The following NKAIN3 variants were observed in gnomAD, a reference collection of about 807,000 sequenced individuals.
The protein encoded by NKAIN3 is sodium/potassium transporting ATPase interacting 3.
NKAIN3 carries 25 observed loss-of-function variants against 30.2 expected under a neutral mutation model. The ratio of observed to expected loss-of-function variants is 0.83; its 90% CI spans 0.60 to 1.16. The LOEUF (loss-of-function observed/expected upper bound fraction) is 1.16. Ranked by LOEUF, NKAIN3 falls within the 50% of genes most tolerant of loss-of-function variation. The pLI is 0.00. For missense variants in NKAIN3, 225 were observed against 254.1 expected (o/e 0.89, Z 0.78); for synonymous variants, 91 against 89.6 (o/e 1.02, Z -0.09).
intron 1 of NKAIN3, among the ~76,000 whole-genome samples, chr8:62,467,955 T>C (rs1806214472): frequency 6.6e-6 from 1 of 152,128 alleles, no homozygotes. Flanking sequence ...CATTTTTTGT[T>C]AGAGAGGGGG....
intron 1 of NKAIN3, among the ~76,000 whole-genome samples, chr8:62,394,479 A>AT (rs58656350): frequency 1.2e-3 from 180 of 149,836 alleles, no homozygotes; most frequent in African/African-American, 3.3e-3. Context: ...TGTAATTGCT[A>AT]TTTTTTTTTT....
At chr8:62,609,582 TG>T (rs2130179742) in intron 3 of NKAIN3, among the ~76,000 whole-genome samples, 1 of 152,218 alleles carries the variant, frequency 6.6e-6, no homozygotes, top group South Asian at 2.1e-4. Context: ...GCTTTTATTC[TG>T]GGGAAAGAGA....
chr8:62,920,243 C>T (rs1822237562), intron 5 of NKAIN3, among the ~76,000 whole-genome samples: 1 of 152,084 alleles, frequency 6.6e-6, no homozygotes, highest in Non-Finnish European at 1.5e-5. Context: ...AAGTAGATAC[C>T]TACTTTTGAG....
At position 62,979,847 on chromosome 8, in the gene NKAIN3, T is replaced by C. The variant is rs546696789; in HGVS notation, c.*14440T>C. The C allele has an allele frequency of 3.9e-5, 6 of 152,406 alleles. No homozygotes were observed. The East Asian group carries it at 1.2e-3, about 29-fold the overall frequency. 9.4% of individuals were successfully genotyped at this position (152,406 alleles called of 1,614,324 possible). ...TTTTTGCCTGCGTTTGTTTGGACCC[T>C]GCTAATCAAGGCTACAGGGCAGCTG... On this transcript the variant is annotated 3_prime_UTR_variant, in exon 7 of 7. Transcript: ENST00000623646.
intron 3 of NKAIN3, among the ~76,000 whole-genome samples, chr8:62,630,266 A>G (rs1287492092): frequency 6.6e-6 from 1 of 152,142 alleles, no homozygotes; most frequent in Admixed American, 6.6e-5. Flanking sequence ...TGTACATTAG[A>G]AAATTGTTTG....
At chr8:62,941,319 G>A (rs928849908) in intron 5 of NKAIN3, among the ~76,000 whole-genome samples, 1 of 152,014 alleles carries the variant, frequency 6.6e-6, no homozygotes, top group Admixed American at 6.5e-5. Context: ...AATTCTATCA[G>A]ACATTCAAAG....
At chr8:62,878,667 C>A (rs1820876460) in intron 4 of NKAIN3, among the ~76,000 whole-genome samples, 1 of 110,118 alleles carries the variant, frequency 9.1e-6, no homozygotes. Context: ...TTCCCCTCCC[C>A]CCACCCCACA....
chr8:62,543,960 T>G (rs1808927341), intron 1 of NKAIN3, among the ~76,000 whole-genome samples: 1 of 151,846 alleles, frequency 6.6e-6, no homozygotes, highest in Non-Finnish European at 1.5e-5. Context: ...TTATCTAGAG[T>G]CCCATTAATC....
rs1823801703 is a variant in NKAIN3 at position 62,970,142 on chromosome 8, A to C, written c.*4735A>C. Among the ~76,000 whole-genome samples, 1 of 152,138 alleles carries C rather than the reference A, an allele frequency of 6.6e-6. No homozygotes were observed. The highest frequency in any genetic ancestry group is 6.6e-5 in the Admixed American group (1 of 15,250). The stretch of plus-strand genomic sequence containing the variant: ...TGAGGGACTGAGGGAAGGGAAGATT[A>C]CTTGAGCCCAGGAATTAGAGGCTGC... On this transcript the variant is annotated 3_prime_UTR_variant, in exon 7 of 7. Coordinates refer to ENST00000623646, the MANE Select transcript of NKAIN3 (RefSeq NM_001304533.3).
intron 1 of NKAIN3, among the ~76,000 whole-genome samples, chr8:62,316,805 G>T (rs1256412195): frequency 2.6e-5 from 4 of 152,108 alleles, no homozygotes; most frequent in South Asian, 4.1e-4. Flanking sequence ...GTAATGGGAT[G>T]GCTGGGTCAA....
intron 1 of NKAIN3, among the ~76,000 whole-genome samples, chr8:62,388,075 G>A (rs1255155710): frequency 5.3e-5 from 8 of 152,074 alleles, no homozygotes; most frequent in South Asian, 2.1e-4. Context: ...TTTTAACACC[G>A]TTAAATAATT....
intron 1 of NKAIN3, among the ~76,000 whole-genome samples, chr8:62,341,077 C>A (rs1815729740): frequency 6.6e-6 from 1 of 152,032 alleles, no homozygotes; most frequent in African/African-American, 2.4e-5. Context: ...TCAGCTACAG[C>A]AAGTGTTTTG....
At chr8:62,712,892 C>T (rs1265506262) in intron 3 of NKAIN3, among the ~76,000 whole-genome samples, 1 of 152,182 alleles carries the variant, frequency 6.6e-6, no homozygotes, top group Non-Finnish European at 1.5e-5. Flanking sequence ...CAGCCAGTTC[C>T]CAGGGCCTTT....
chr8:62,804,065 A>T (rs556840316), intron 4 of NKAIN3, among the ~76,000 whole-genome samples: 23 of 152,232 alleles, frequency 1.5e-4, no homozygotes, highest in Non-Finnish European at 3.1e-4. Flanking sequence ...TTAACCAGGA[A>T]GAAGTTGAAT....
intron 1 of NKAIN3, among the ~76,000 whole-genome samples, chr8:62,549,988 G>T (rs1453319294): frequency 1.3e-5 from 2 of 149,254 alleles, no homozygotes; most frequent in Admixed American, 6.8e-5. Context: ...TCAAAAAATG[G>T]CTATGTGGAT....
rs76900397 is a variant in NKAIN3, at chr8:62,931,087, T to A, written c.532+12574T>A. ...TGTTCCATTTGTAACTTAAATTCCC[T>A]TAAACATTTAACATGAATTCATTGT... On this transcript the variant is annotated intron_variant, in intron 5 of 6. Coordinates refer to ENST00000623646, the MANE Select transcript of NKAIN3 (RefSeq NM_001304533.3). Among the ~76,000 whole-genome samples the A allele has an allele frequency of 3.6e-3, 542 of 152,346 alleles. 4 individuals are homozygous for A. Among genetic ancestry groups the A allele is most frequent in the African/African-American group, 0.013 (524 of 41,576 alleles).
intron 1 of NKAIN3, among the ~76,000 whole-genome samples, chr8:62,284,855 G>T (rs1231313154): frequency 6.6e-6 from 1 of 152,108 alleles, no homozygotes; most frequent in African/African-American, 2.4e-5. Flanking sequence ...GAATTCCTGG[G>T]TAACTGTGGT....
At chr8:62,333,882 T>C (rs978632395) in intron 1 of NKAIN3, among the ~76,000 whole-genome samples, 4 of 152,104 alleles carry the variant, frequency 2.6e-5, no homozygotes, top group African/African-American at 9.7e-5. Flanking sequence ...CATTGCCTCA[T>C]TGGATTTTAT....
chr8:62,947,123 G>A lies in NKAIN3; in HGVS notation c.533-6779G>A, dbSNP rs1031513393. 2.0e-5 allele frequency among the ~76,000 whole-genome samples: 3 copies of A among 152,262 alleles called. No homozygotes were observed. The South Asian group carries it at 6.2e-4, about 32-fold the overall frequency. On this transcript the variant is annotated intron_variant, in intron 5 of 6. Coordinates refer to ENST00000623646, the MANE Select transcript of NKAIN3 (RefSeq NM_001304533.3). ...CCCCATGAAATAAAGTCATTTAATGGATATAGAAGTGTGCACTTTCTTACA... is the reference window on the plus strand; with the variant it reads ...CCCCATGAAATAAAGTCATTTAATGAATATAGAAGTGTGCACTTTCTTACA...
Sources: gnomAD v4.1 joint callset for allele counts (sites outside exome capture counted in the v4.1 genomes callset) on GRCh38, gnomAD v4.1.1 for gene constraint, MANE v1.5 for transcripts, NCBI Gene and HGNC (gene_info 2026-07-23, HGNC 2026-07-21) for gene names.